Variants in RSPH4A observed in about 807,000 individuals in gnomAD.
RSPH4A encodes radial spoke head component 4A.
RSPH4A carries 47 observed loss-of-function variants against 71.0 expected under a neutral mutation model. The observed-to-expected ratio is 0.66, with a 90% CI of 0.52 to 0.84. The LOEUF is 0.84. RSPH4A is among the 40% of genes least tolerant of loss of function. RSPH4A has a pLI of 0.00. For missense variants in RSPH4A, 793 were observed against 855.2 expected, an observed-to-expected ratio of 0.93 and a Z score of 0.91; for synonymous variants, 282 against 302.3, an observed-to-expected ratio of 0.93 and a Z score of 0.70.
chr6:116,620,386 GT>G (rs1242731514), intron 1 of RSPH4A, among the ~76,000 whole-genome samples: 3 of 152,024 alleles, frequency 2.0e-5, no homozygotes, highest in East Asian at 1.9e-4. Context: ...GTTTAAAATT[GT>G]TTAGTAAAAG....
At chr6:116,629,284 AC>A (rs1249603768) in intron 3 of RSPH4A, among the ~76,000 whole-genome samples, 1 of 152,200 alleles carries the variant, frequency 6.6e-6, no homozygotes, top group Non-Finnish European at 1.5e-5. Flanking sequence ...ATACACTCTT[AC>A]CTTTTTCACT....
intron 1 of RSPH4A, among the ~76,000 whole-genome samples, chr6:116,618,444 G>C (rs1304480275): frequency 6.6e-6 from 1 of 152,150 alleles, no homozygotes; most frequent in African/African-American, 2.4e-5. Flanking sequence ...CAACTATTAA[G>C]AAGAAATGAA....
rs752249790 is a variant in RSPH4A, at chr6:116,622,895, C to G, written c.814C>G (p.Gln272Glu). Residue 272 changes from glutamine to glutamate, a missense_variant, in exon 2 of 6, where the codon CAA becomes GAA. Gln to Glu is a conservative substitution (Grantham distance 29, BLOSUM62 2). Coordinates refer to ENST00000229554, the MANE Select transcript of RSPH4A (RefSeq NM_001010892.3). ...AHFSKKFDAL[Q>E]NENELLPTYE... ...TTTTAGTAAAAAATTTGATGCACTA[C>G]AAAATGAGAATGAGTTGCTTCCAAC... 17 of 1,613,234 alleles carry G rather than the reference C, an allele frequency of 1.1e-5. No individual in the cohort carries two copies. The African/African-American group carries it at 2.1e-4, about 20-fold the overall frequency.
At chr6:116,617,998 T>C (rs1304727633) in intron 1 of RSPH4A, among the ~76,000 whole-genome samples, 2 of 152,188 alleles carry the variant, frequency 1.3e-5, no homozygotes, top group Admixed American at 6.5e-5. Flanking sequence ...TACATAATGA[T>C]AGGGTCAGTA....
chr6:116,628,444 G>A, intron 3 of RSPH4A, 75 bp downstream of exon 3: 4 of 1,215,618 alleles, frequency 3.3e-6, no homozygotes, highest in Non-Finnish European at 4.8e-6. Context: ...AATGCACAAA[G>A]ACATACAAAA....
chr6:116,630,860 T>TTTG (rs1775793390), intron 5 of RSPH4A, among the ~76,000 whole-genome samples: 1 of 141,184 alleles, frequency 7.1e-6, no homozygotes, highest in Non-Finnish European at 1.6e-5. Context: ...TTTTTTTTTT[T>TTTG]TTTTTTTTTT....
chr6:116,616,563 G>A lies in RSPH4A; in HGVS notation c.-61G>A, dbSNP rs1403758293. 1.4e-6 allele frequency: 2 copies of A among 1,404,808 alleles called. No homozygotes were observed. Among genetic ancestry groups the A allele is most frequent in the Non-Finnish European group, 2.0e-6 (2 of 1,011,164 alleles). The allele number at this position is 1,404,808 out of a possible 1,614,324, so 87.0% of individuals were successfully genotyped here. On this transcript the variant is annotated 5_prime_UTR_variant, in exon 1 of 6. Transcript: ENST00000229554. The stretch of plus-strand genomic sequence containing the variant: ...CGCGGCAAAGTAACTTAACTGAGTT[G>A]CCTTCTTCCATATTTTCACGCCCCT...
In RSPH4A at chr6:116,622,748, A is replaced by G. The variant is rs773538494; in HGVS notation, c.687-20A>G. On this transcript the variant is annotated intron_variant, in intron 1 of 5. Transcript: ENST00000229554. ...TGCTCTTGACATGTATATTATCTGG[A>G]ATTTTCTCTGTTTGGATAGATATGA... 2.7e-6 allele frequency: 4 copies of G among 1,455,902 alleles called. No homozygotes were observed. The South Asian group carries it at 4.6e-5, about 17-fold the overall frequency. The allele number at this position is 1,455,902 out of a possible 1,614,324, so 90.2% of individuals were successfully genotyped here. A position where few individuals can be genotyped will look rare whatever the true frequency, so the allele number is the denominator to read the frequency against.
At chr6:116,626,649 T>C (rs1057053850) in intron 2 of RSPH4A, among the ~76,000 whole-genome samples, 1 of 152,162 alleles carries the variant, frequency 6.6e-6, no homozygotes, top group African/African-American at 2.4e-5. Flanking sequence ...CCTTCACAAA[T>C]GTGTTTCTAT....
In RSPH4A at chr6:116,627,656, G is replaced by A. The variant is rs752874566; in HGVS notation, c.949G>A (p.Glu317Lys). ...IAENALPNVM[E>K]SAFYFEQAGV... ...AGAAAACGCTCTTCCAAATGTAATG[G>A]AGTCAGCTTTTTATTTTGAACAAGC... The change falls in exon 3 of 6, where the codon GAG becomes AAG. Residue 317 changes from glutamate (E) to lysine (K), a missense_variant. Physicochemically the swap from Glu to Lys is moderately conservative, Grantham distance 56. Coordinates refer to ENST00000229554, the MANE Select transcript of RSPH4A (RefSeq NM_001010892.3). The A allele has an allele frequency of 6.2e-7, 1 of 1,614,164 alleles. No homozygotes were observed. Among genetic ancestry groups the A allele is most frequent in the Non-Finnish European group, 8.5e-7 (1 of 1,180,002 alleles).
chr6:116,632,269 C>A lies in RSPH4A; in HGVS notation c.1979C>A (p.Pro660Gln), dbSNP rs752921062. The A allele has an allele frequency of 7.4e-6, 12 of 1,612,498 alleles. No individual in the cohort carries two copies. The African/African-American group carries it at 1.6e-4, about 22-fold the overall frequency. Residue 660 changes from proline (P) to glutamine (Q), a missense_variant, in exon 6 of 6, where the codon CCA becomes CAA. Physicochemically the swap from Pro to Gln is moderately conservative, Grantham distance 76 (BLOSUM62 -1). Transcript: ENST00000229554. ...HKYSPDNYTP[P>Q]VPPPVYQEYP... ...TATAGTCCAGACAATTATACACCCC[C>A]AGTTCCACCACCAGTTTATCAAGAA...
rs765076815 is a variant in RSPH4A at position 116,627,757 on chromosome 6, C to A, written c.1050C>A (p.Ile350=). The A allele has an allele frequency of 6.2e-7, 1 of 1,614,090 alleles. No homozygotes were observed. The highest frequency in any genetic ancestry group is 1.7e-5 in the Admixed American group (1 of 60,010). The change falls in exon 3 of 6, where the codon ATC becomes ATA. Residue 350 remains isoleucine (I), a synonymous_variant. Transcript: ENST00000229554. The part of the protein sequence containing the change: ...ALKQLTDTHP[I]QRCRFWGKIL... ...AGCAGCTTACTGATACCCACCCAAT[C>A]CAAAGATGCCGCTTCTGGGGAAAGA...
intron 1 of RSPH4A, 119 bp from the exon 2 acceptor site, chr6:116,622,648 GT>G (rs918714064): frequency 2.5e-5 from 17 of 679,524 alleles, no homozygotes; most frequent in East Asian, 1.6e-4. Context: ...TATATATTTT[GT>G]TTTTTTCTTT....
rs1402177788 is a variant in RSPH4A, at chr6:116,628,259, G to C, written c.1552G>C (p.Gly518Arg). The C allele has an allele frequency of 1.2e-6, 2 of 1,611,784 alleles. No individual in the cohort carries two copies. The highest frequency in any genetic ancestry group is 1.7e-6 in the Non-Finnish European group (2 of 1,178,528). Residue 518 changes from glycine to arginine, a missense_variant, in exon 3 of 6, where the codon GGT becomes CGT. Transcript: ENST00000229554. ...AGGAGAGGAGGAGGAAGAGGCAGAA[G>C]GTGGGCGAAATAGCTTTGAGGAAAA... is the stretch of plus-strand genomic sequence containing the variant. The part of the protein sequence containing the change: ...EEGEEEEEAE[G>R]GRNSFEENPD...
intron 3 of RSPH4A, among the ~76,000 whole-genome samples, chr6:116,628,730 G>C (rs1408084672): frequency 6.6e-6 from 1 of 152,070 alleles, no homozygotes; most frequent in African/African-American, 2.4e-5. Context: ...TTTGAAAATA[G>C]TTCTTTAATT....
chr6:116,632,093 C>CT (rs1562393668), intron 5 of RSPH4A, 114 bp from the exon 6 acceptor site: 5 of 740,484 alleles, frequency 6.8e-6, no homozygotes, highest in South Asian at 5.3e-5. Flanking sequence ...ACATGTATTG[C>CT]TTTTTTAAAT....
chr6:116,622,364 A>T (rs142366221), intron 1 of RSPH4A, among the ~76,000 whole-genome samples: 34 of 152,316 alleles, frequency 2.2e-4, no homozygotes, highest in African/African-American at 7.5e-4. Context: ...AAAAGATTGT[A>T]ATTTCAGAAA....
chr6:116,616,607 T>C lies in RSPH4A; in HGVS notation c.-17T>C. 6.2e-7 allele frequency: 1 copy of C among 1,600,204 alleles called. No homozygotes were observed. Among genetic ancestry groups the C allele is most frequent in the African/African-American group, 1.4e-5 (1 of 73,570 alleles). On this transcript the variant is annotated 5_prime_UTR_variant, in exon 1 of 6. Transcript: ENST00000229554. ...CGCCCCTTTCATCCAGAACATTTTT[T>C]TTCTTGAACTGCTTCCATGGAGGAC...
chr6:116,618,425 C>A (rs988436962), intron 1 of RSPH4A, among the ~76,000 whole-genome samples: 1 of 152,206 alleles, frequency 6.6e-6, no homozygotes, highest in Non-Finnish European at 1.5e-5. Context: ...AGTGGTAGCA[C>A]AATGCTAGCA....
Sources: gnomAD v4.1 joint callset for allele counts (sites outside exome capture counted in the v4.1 genomes callset) on GRCh38, gnomAD v4.1.1 for gene constraint, MANE v1.5 for transcripts, NCBI Gene and HGNC (gene_info 2026-07-23, HGNC 2026-07-21) for gene names.